LEKR1: variants seen among roughly 807,000 people sequenced by gnomAD.
The protein encoded by LEKR1 is leucine, glutamate and lysine rich 1.
LEKR1 carries 59 observed loss-of-function variants against 72.4 expected under a neutral mutation model. The observed-to-expected ratio is 0.82, with a 90% confidence interval of 0.66 to 1.01. LEKR1 has a LOEUF of 1.01. Among genes scored for constraint, LEKR1 ranks in the 50% least tolerant of loss-of-function variants. The pLI, the probability that LEKR1 is intolerant of heterozygous loss-of-function variation, is 0.00. For synonymous variants in LEKR1, 257 were observed against 263.2 expected (o/e 0.98, Z 0.23); for missense variants, 728 against 759.2 (o/e 0.96, Z 0.48).
intron 4 of LEKR1, among the ~76,000 whole-genome samples, chr3:156,921,511 A>G (rs1232326771): frequency 6.6e-6 from 1 of 152,192 alleles, no homozygotes; most frequent in Non-Finnish European, 1.5e-5. Flanking sequence ...CTGATGCTCA[A>G]TACATAATTT....
At chr3:157,024,510 A>G (rs73029526) in intron 10 of LEKR1, among the ~76,000 whole-genome samples, 3,951 of 152,290 alleles carry the variant, frequency 0.026, 198 homozygotes, top group African/African-American at 0.09. Context: ...GTATTTCTGA[A>G]AACTGTCATA....
chr3:156,836,006 TG>T (rs1414659923), intron 2 of LEKR1, among the ~76,000 whole-genome samples: 3 of 150,906 alleles, frequency 2.0e-5, no homozygotes, highest in African/African-American at 7.3e-5. Flanking sequence ...TCTGAGTAGC[TG>T]GGATTACAGG....
At chr3:156,962,734 A>G (rs1443333054) in intron 6 of LEKR1, among the ~76,000 whole-genome samples, 2 of 152,188 alleles carry the variant, frequency 1.3e-5, no homozygotes, top group Non-Finnish European at 2.9e-5. Context: ...GATCATAGGC[A>G]TCTACTCCTT....
intron 10 of LEKR1, among the ~76,000 whole-genome samples, chr3:157,015,418 G>A (rs1002882863): frequency 1.3e-5 from 2 of 152,164 alleles, no homozygotes; most frequent in South Asian, 4.1e-4. Flanking sequence ...CCATCAGCCA[G>A]ACTGGTAAAC....
chr3:157,011,381 A>G, intron 9 of LEKR1, 32 bp from the exon 10 acceptor site: 1 of 1,438,516 alleles, frequency 7.0e-7, no homozygotes, highest in Non-Finnish European at 9.8e-7. Flanking sequence ...AGGGGTAAGT[A>G]TTGACTCATT....
intron 3 of LEKR1, among the ~76,000 whole-genome samples, chr3:156,882,453 T>C (rs1313136074): frequency 1.3e-5 from 2 of 152,212 alleles, no homozygotes; most frequent in Non-Finnish European, 2.9e-5. Flanking sequence ...CACATTGAGA[T>C]ACCATCTCAC....
chr3:156,860,494 T>C (rs965694526), intron 3 of LEKR1, among the ~76,000 whole-genome samples: 2 of 152,136 alleles, frequency 1.3e-5, no homozygotes, highest in African/African-American at 4.8e-5. Context: ...AGCCCAAGGA[T>C]AGGGCTACCT....
At chr3:157,045,285 C>G (rs1033775783) in intron 12 of LEKR1, 55 bp from the exon 13 acceptor site, 1 of 1,430,042 alleles carries the variant, frequency 7.0e-7, no homozygotes, top group African/African-American at 1.4e-5. Context: ...TAACTATCTA[C>G]TTATGTACAT....
At chr3:156,940,948 C>G (rs1726145078) in intron 5 of LEKR1, among the ~76,000 whole-genome samples, 1 of 152,064 alleles carries the variant, frequency 6.6e-6, no homozygotes, top group Admixed American at 6.6e-5. Flanking sequence ...ATAGTTTATT[C>G]AGCCTTAAGA....
intron 10 of LEKR1, among the ~76,000 whole-genome samples, chr3:157,019,922 G>T (rs1280870838): frequency 6.6e-6 from 1 of 152,128 alleles, no homozygotes; most frequent in Non-Finnish European, 1.5e-5. Context: ...GCATCCCACT[G>T]CAGCTTTCCT....
At chr3:157,016,866 A>G (rs1248117829) in intron 10 of LEKR1, among the ~76,000 whole-genome samples, 2 of 152,222 alleles carry the variant, frequency 1.3e-5, no homozygotes, top group Non-Finnish European at 2.9e-5. Flanking sequence ...ATTGAATTAA[A>G]GACATATTCT....
intron 1 of LEKR1, among the ~76,000 whole-genome samples, chr3:156,827,784 A>G (rs1711827828): frequency 6.6e-6 from 1 of 152,218 alleles, no homozygotes. Context: ...TTCACAGACA[A>G]TGAAGGCACT....
chr3:157,011,611 C>T (rs1476585779), intron 10 of LEKR1, 105 bp downstream of exon 10: 1 of 763,272 alleles, frequency 1.3e-6, no homozygotes, highest in Non-Finnish European at 2.2e-6. Flanking sequence ...CTTCTATGCA[C>T]ACTTTAGATT....
chr3:156,895,645 A>G lies in LEKR1; in HGVS notation c.264-24930A>G, dbSNP rs374061842. On this transcript the variant is annotated intron_variant, in intron 3 of 12. Transcript: ENST00000356539. ...ACAAAAACAGAAACAAAAAACAAATAAACACCACAGTGAGATACCATCTCA... is the reference window on the plus strand; with the variant it reads ...ACAAAAACAGAAACAAAAAACAAATGAACACCACAGTGAGATACCATCTCA... 2.2e-4 allele frequency among the ~76,000 whole-genome samples: 34 copies of G among 152,148 alleles called. 3 individuals are homozygous for G. Among genetic ancestry groups the G allele is most frequent in the Admixed American group, 1.8e-3 (28 of 15,268 alleles).
At chr3:156,916,644 G>A (rs1277357354) in intron 3 of LEKR1, among the ~76,000 whole-genome samples, 11 of 152,126 alleles carry the variant, frequency 7.2e-5, no homozygotes. Context: ...ATCAGCTGAA[G>A]GAGCTTTTGG....
intron 6 of LEKR1, among the ~76,000 whole-genome samples, chr3:156,946,449 T>A (rs1481294539): frequency 6.6e-6 from 1 of 151,630 alleles, no homozygotes; most frequent in Non-Finnish European, 1.5e-5. Context: ...TCTTGTCTGA[T>A]TGCTCTAGCT....
intron 6 of LEKR1, among the ~76,000 whole-genome samples, chr3:156,950,537 A>G (rs1471655171): frequency 1.3e-5 from 2 of 151,330 alleles, no homozygotes; most frequent in Admixed American, 6.6e-5. Context: ...TTCTCATTGT[A>G]GAGACCTTTC....
rs182795281 is a variant in LEKR1 at position 156,991,492 on chromosome 3, G to A, written c.828-1161G>A. On this transcript the variant is annotated intron_variant, in intron 7 of 12. Coordinates refer to ENST00000356539, the MANE Select transcript of LEKR1 (RefSeq NM_001004316.3). ...GATAATCTTACATAATTCATTGTGTGATTTACAAGCTATTTTGAGATATTT... is the reference window on the plus strand; with the variant it reads ...GATAATCTTACATAATTCATTGTGTAATTTACAAGCTATTTTGAGATATTT... 1.6e-4 allele frequency among the ~76,000 whole-genome samples: 25 copies of A among 152,186 alleles called. No individual in the cohort carries two copies. The South Asian group carries it at 3.9e-3, about 24-fold the overall frequency.
intron 9 of LEKR1, among the ~76,000 whole-genome samples, chr3:157,005,784 A>G (rs781187680): frequency 6.6e-6 from 1 of 152,186 alleles, no homozygotes; most frequent in African/African-American, 2.4e-5. Context: ...TTTGCAAAGG[A>G]TCTATATAAT....
Sources: allele counts gnomAD v4.1 joint callset (sites outside exome capture counted in the v4.1 genomes callset), GRCh38; gene constraint gnomAD v4.1.1; transcripts MANE v1.5; gene names NCBI Gene and HGNC (gene_info 2026-07-23, HGNC 2026-07-21).